Variants in CTNNAL1 observed in about 807,000 individuals in gnomAD.
CTNNAL1 encodes alpha-catulin.
CTNNAL1 carries 69 observed loss-of-function variants against 93.6 expected under a neutral mutation model. That is an observed-to-expected ratio of 0.74 (90% CI 0.61 to 0.90). The LOEUF is 0.90. Among genes scored for constraint, CTNNAL1 ranks in the 40% least tolerant of loss-of-function variants. The probability of loss-of-function intolerance (pLI) is 0.00; values close to 1 mark genes in which losing one functional copy is unlikely to be tolerated. For synonymous variants in CTNNAL1, 286 were observed against 305.4 expected, an observed-to-expected ratio of 0.94 and a Z score of 0.66; for missense variants, 836 against 862.0, an observed-to-expected ratio of 0.97 and a Z score of 0.38.
intron 1 of CTNNAL1, among the ~76,000 whole-genome samples, chr9:109,009,465 C>T (rs184948721): frequency 1.3e-5 from 2 of 152,124 alleles, no homozygotes; most frequent in East Asian, 1.9e-4. Context: ...TCTTCCTTTC[C>T]CCACTGACCA....
intron 4 of CTNNAL1, among the ~76,000 whole-genome samples, chr9:108,986,993 A>G (rs1587975250): frequency 6.6e-6 from 1 of 152,138 alleles, no homozygotes; most frequent in East Asian, 1.9e-4. Context: ...GTTCACTGTG[A>G]TGGTAGTTTC....
intron 10 of CTNNAL1, among the ~76,000 whole-genome samples, chr9:108,969,313 T>C (rs1831044009): frequency 6.6e-6 from 1 of 151,848 alleles, no homozygotes; most frequent in Non-Finnish European, 1.5e-5. Context: ...CCATTTTCCT[T>C]AGATTAATTT....
At chr9:109,007,341 A>G (rs1827063359) in intron 1 of CTNNAL1, among the ~76,000 whole-genome samples, 1 of 152,224 alleles carries the variant, frequency 6.6e-6, no homozygotes, top group African/African-American at 2.4e-5. Context: ...CATAACTGCA[A>G]CAAGAATCCT....
intron 2 of CTNNAL1, among the ~76,000 whole-genome samples, chr9:108,996,033 C>T (rs1023708470): frequency 6.6e-6 from 1 of 151,868 alleles, no homozygotes; most frequent in Non-Finnish European, 1.5e-5. Flanking sequence ...ACCATCACTG[C>T]TCACTGCAAC....
chr9:108,980,102 C>T lies in CTNNAL1; in HGVS notation c.901-621G>A, dbSNP rs896796774. Among the ~76,000 whole-genome samples the T allele has an allele frequency of 2.6e-5, 4 of 152,188 alleles. No homozygotes were observed. In the South Asian group the frequency reaches 8.3e-4, roughly 32 times the overall value. ...ATACTGCCACCTCCCTCTAATAGTT[C>T]CTCGCCATCTATAGAGAATCAAGCC... On this transcript the variant is annotated intron_variant, in intron 6 of 18. Coordinates refer to ENST00000325551, the MANE Select transcript of CTNNAL1 (RefSeq NM_003798.4).
intron 15 of CTNNAL1, 51 bp downstream of exon 15, chr9:108,948,135 C>G (rs748553558): frequency 6.3e-7 from 1 of 1,586,100 alleles, no homozygotes; most frequent in Admixed American, 1.7e-5. Flanking sequence ...ATTTATTACC[C>G]ACTTTTAGCC....
chr9:108,993,271 A>G (rs1831884621), intron 2 of CTNNAL1, among the ~76,000 whole-genome samples: 1 of 152,122 alleles, frequency 6.6e-6, no homozygotes, highest in Admixed American at 6.5e-5. Context: ...TTGGGTTTTC[A>G]CCCTTGGGTT....
chr9:108,986,585 T>A (rs1313579658), intron 4 of CTNNAL1, among the ~76,000 whole-genome samples: 2 of 151,702 alleles, frequency 1.3e-5, no homozygotes, highest in Non-Finnish European at 3.0e-5. Context: ...TAGTTCTAGA[T>A]CCCTGAGGAA....
At chr9:108,971,374 T>G (rs993864669) in intron 9 of CTNNAL1, among the ~76,000 whole-genome samples, 2 of 152,236 alleles carry the variant, frequency 1.3e-5, no homozygotes, top group African/African-American at 4.8e-5. Context: ...AAGCTATACA[T>G]GGGTTCCGTT....
intron 11 of CTNNAL1, among the ~76,000 whole-genome samples, chr9:108,965,154 C>G (rs1193247008): frequency 6.6e-6 from 1 of 152,138 alleles, no homozygotes; most frequent in Non-Finnish European, 1.5e-5. Flanking sequence ...AGCCGCCACA[C>G]CTGGCCTACT....
Position 108,970,109 on chromosome 9 carries a change from A to G in CTNNAL1, c.1440+293T>C, listed in dbSNP as rs1831067172. On this transcript the variant is annotated intron_variant, in intron 10 of 18. Coordinates refer to ENST00000325551, the MANE Select transcript of CTNNAL1 (RefSeq NM_003798.4). ...ATAACATATGGCTTCTTATGTCATG[A>G]TAACTTAATCTCCAAACATGTTATA... Among the ~76,000 whole-genome samples, 4 of 152,204 alleles carry G rather than the reference A, an allele frequency of 2.6e-5. No homozygotes were observed. In the South Asian group the frequency reaches 8.3e-4, roughly 32 times the overall value.
chr9:108,954,733 A>G (rs1830648231), intron 12 of CTNNAL1, among the ~76,000 whole-genome samples: 1 of 152,198 alleles, frequency 6.6e-6, no homozygotes, highest in South Asian at 2.1e-4. Context: ...GTATTTCAGT[A>G]TTAAATGCCA....
chr9:108,945,900 T>C (rs1411420816), intron 15 of CTNNAL1, among the ~76,000 whole-genome samples: 2 of 152,172 alleles, frequency 1.3e-5, no homozygotes, highest in Non-Finnish European at 2.9e-5. Flanking sequence ...CAAAACAAAA[T>C]GCTCGATTTC....
At chr9:109,003,404 A>G (rs919630229) in intron 1 of CTNNAL1, among the ~76,000 whole-genome samples, 1 of 152,238 alleles carries the variant, frequency 6.6e-6, no homozygotes, top group Admixed American at 6.5e-5. Flanking sequence ...AGAAGCTTTC[A>G]TACCAGCCCC....
chr9:108,969,818 A>C (rs1831058509), intron 10 of CTNNAL1, among the ~76,000 whole-genome samples: 1 of 151,516 alleles, frequency 6.6e-6, no homozygotes, highest in Non-Finnish European at 1.5e-5. Context: ...GTACATGGGT[A>C]ATTTTTGTTT....
chr9:108,993,220 G>A (rs1420987070), intron 2 of CTNNAL1, among the ~76,000 whole-genome samples: 1 of 152,202 alleles, frequency 6.6e-6, no homozygotes, highest in African/African-American at 2.4e-5. Context: ...AGGCCGGGGA[G>A]AAGTCAGGGG....
At chr9:108,951,295 G>T (rs529715303) in intron 14 of CTNNAL1, among the ~76,000 whole-genome samples, 1 of 151,692 alleles carries the variant, frequency 6.6e-6, no homozygotes, top group South Asian at 2.1e-4. Context: ...GATTACAGGC[G>T]TGAGCCACCA....
chr9:108,972,317 T>G (rs540163494), intron 9 of CTNNAL1, among the ~76,000 whole-genome samples: 3 of 152,250 alleles, frequency 2.0e-5, no homozygotes, highest in Admixed American at 6.5e-5. Flanking sequence ...TTAAACTCTC[T>G]TCAAATTGTC....
chr9:108,972,864 G>GGGGGGGGGGGGGCCCCCCCCCCCCC, intron 8 of CTNNAL1, 31 bp from the exon 9 acceptor site: 7 of 142,544 alleles, frequency 4.9e-5, no homozygotes, highest in African/African-American at 9.6e-5. Flanking sequence ...GGGGGGGTGG[G>GGGGGGGGGGGGGCCCCCCCCCCCCC]AGGGTGGAGA....
Sources: gnomAD v4.1 joint callset for allele counts (sites outside exome capture counted in the v4.1 genomes callset) on GRCh38, gnomAD v4.1.1 for gene constraint, MANE v1.5 for transcripts, NCBI Gene and HGNC (gene_info 2026-07-23, HGNC 2026-07-21) for gene names.